Variants in TMEM273 observed in about 807,000 individuals in gnomAD.
The protein encoded by TMEM273 is chromosome 10 open reading frame 128.
A neutral mutation model predicts 17.9 loss-of-function variants in TMEM273; 19 were observed. The observed-to-expected ratio is 1.06, with a 90% confidence interval of 0.74 to 1.55. The LOEUF (loss-of-function observed/expected upper bound fraction) is 1.55. Ranked by LOEUF, TMEM273 falls within the 40% of genes most tolerant of loss-of-function variation. The pLI is 0.00. For missense variants in TMEM273, 194 were observed against 155.6 expected, an observed-to-expected ratio of 1.25 and a Z score of -1.31; for synonymous variants, 66 against 62.0, an observed-to-expected ratio of 1.07 and a Z score of -0.31.
At chr10:49,170,626 C>T (rs754918350) in intron 1 of TMEM273, among the ~76,000 whole-genome samples, 5 of 152,198 alleles carry the variant, frequency 3.3e-5, no homozygotes, top group African/African-American at 4.8e-5. Flanking sequence ...GGGAGACCAA[C>T]GTGGGCAGAT....
rs371882995 is a variant in TMEM273 at position 49,172,912 on chromosome 10, A to G, written c.44-4950T>C. ...CTCCCACAGGGCTGGCTCCTGGGGA[A>G]TGTGTGAACCCTGCCTGACCAATTA... is the stretch of plus-strand genomic sequence containing the variant. On this transcript the variant is annotated intron_variant, in intron 1 of 6. Coordinates refer to ENST00000374153, the MANE Select transcript of TMEM273 (RefSeq NM_001288740.3). Among the ~76,000 whole-genome samples, 64 of 152,304 alleles carry G rather than the reference A, an allele frequency of 4.2e-4. 1 individual carries two copies. The East Asian group carries it at 9.9e-3, about 23-fold the overall frequency.
At chr10:49,184,997 C>A (rs1445882113) in intron 1 of TMEM273, among the ~76,000 whole-genome samples, 3 of 152,158 alleles carry the variant, frequency 2.0e-5, no homozygotes, top group Non-Finnish European at 4.4e-5. Context: ...CGGATTCCTG[C>A]AGTTTTTAAC....
chr10:49,162,278 T>C (rs1211123549), intron 5 of TMEM273, among the ~76,000 whole-genome samples: 2 of 152,180 alleles, frequency 1.3e-5, no homozygotes. Flanking sequence ...GAGTCCATCA[T>C]GAATGGCCAC....
intron 6 of TMEM273, chr10:49,160,577 T>A (rs774160427): frequency 6.6e-6 from 1 of 152,126 alleles, no homozygotes; most frequent in African/African-American, 2.4e-5. Context: ...AATAGAGCAA[T>A]AAAAGATACT....
Position 49,167,920 on chromosome 10 carries a change from C to G in TMEM273, c.86G>C (p.Gly29Ala), listed in dbSNP as rs752103151. ...AQVLATGKTP[G>A]AEIDFKYALI... ...GGGCAGCCACGTACCAATTTCAGCC[C>G]CAGGGGTCTTGCCTGTTGCCAGCAC... Residue 29 changes from glycine to alanine, a missense_variant, in exon 2 of 7, where the codon GGG becomes GCG. Transcript: ENST00000374153. 4.3e-6 allele frequency: 7 copies of G among 1,614,040 alleles called. No individual in the cohort carries two copies. Among genetic ancestry groups the G allele is most frequent in the Non-Finnish European group, 5.1e-6 (6 of 1,179,984 alleles).
chr10:49,168,054 T>C (rs1320893874), intron 1 of TMEM273, 92 bp from the exon 2 acceptor site: 6 of 1,508,048 alleles, frequency 4.0e-6, no homozygotes, highest in East Asian at 2.3e-5. Flanking sequence ...GCCTACCCCA[T>C]GTACCCACCA....
intron 1 of TMEM273, among the ~76,000 whole-genome samples, chr10:49,174,399 G>A (rs533789988): frequency 1.3e-5 from 2 of 152,328 alleles, no homozygotes; most frequent in South Asian, 2.1e-4. Flanking sequence ...TAGGTCATGG[G>A]CCTTGGCTAC....
At chr10:49,182,636 A>G (rs2132282295) in intron 1 of TMEM273, among the ~76,000 whole-genome samples, 1 of 152,358 alleles carries the variant, frequency 6.6e-6, no homozygotes, top group Non-Finnish European at 1.5e-5. Context: ...AGCTTTTTTA[A>G]AAGGAAGATG....
chr10:49,177,272 T>C (rs1417527234), intron 1 of TMEM273, among the ~76,000 whole-genome samples: 2 of 152,178 alleles, frequency 1.3e-5, no homozygotes, highest in African/African-American at 4.8e-5. Flanking sequence ...AATCTGGTCT[T>C]TTGGAAATTG....
At chr10:49,174,137 C>T (rs1387340424) in intron 1 of TMEM273, among the ~76,000 whole-genome samples, 2 of 152,204 alleles carry the variant, frequency 1.3e-5, no homozygotes, top group Non-Finnish European at 2.9e-5. Flanking sequence ...CCTTTCTGCC[C>T]ATTTATCCTG....
intron 1 of TMEM273, among the ~76,000 whole-genome samples, chr10:49,183,358 T>C (rs1847469059): frequency 6.6e-6 from 1 of 151,428 alleles, no homozygotes; most frequent in Admixed American, 6.6e-5. Flanking sequence ...ACAAATTGTG[T>C]GTGTGTGTGT....
intron 1 of TMEM273, among the ~76,000 whole-genome samples, chr10:49,184,568 A>C (rs772327910): frequency 6.6e-6 from 1 of 152,232 alleles, no homozygotes; most frequent in Non-Finnish European, 1.5e-5. Flanking sequence ...GAACACACAA[A>C]CTAAAATAAA....
At chr10:49,172,219 C>T (rs890269362) in intron 1 of TMEM273, among the ~76,000 whole-genome samples, 3 of 152,122 alleles carry the variant, frequency 2.0e-5, no homozygotes, top group Non-Finnish European at 4.4e-5. Context: ...AAATAAAGAG[C>T]CTATAGGGTG....
intron 1 of TMEM273, among the ~76,000 whole-genome samples, chr10:49,180,334 A>T (rs571922699): frequency 4.6e-5 from 7 of 152,174 alleles, no homozygotes; most frequent in Non-Finnish European, 7.4e-5. Flanking sequence ...CACTTCTGGC[A>T]ATAATTGACT....
At chr10:49,172,910 G>C (rs553415664) in intron 1 of TMEM273, among the ~76,000 whole-genome samples, 12 of 152,214 alleles carry the variant, frequency 7.9e-5, no homozygotes, top group Non-Finnish European at 1.6e-4. Context: ...GGCTCCTGGG[G>C]AATGTGTGAA....
At chr10:49,163,550 A>G (rs1344876938) in intron 5 of TMEM273, among the ~76,000 whole-genome samples, 3 of 152,282 alleles carry the variant, frequency 2.0e-5, no homozygotes, top group East Asian at 3.9e-4. Context: ...CCAGGCTCAC[A>G]CCTATCATCC....
chr10:49,166,437 G>C (rs1255540856), intron 3 of TMEM273: 3 of 255,210 alleles, frequency 1.2e-5, no homozygotes, highest in African/African-American at 6.8e-5. Flanking sequence ...CCCACACTTA[G>C]GACCAACCTC....
intron 5 of TMEM273, among the ~76,000 whole-genome samples, chr10:49,164,193 G>A (rs890332071): frequency 6.6e-6 from 1 of 152,086 alleles, no homozygotes; most frequent in Non-Finnish European, 1.5e-5. Flanking sequence ...CCAGCTCACT[G>A]CCCAAAGCTG....
At chr10:49,156,213 C>G (rs923041668) in intron 6 of TMEM273, 2 of 1,415,418 alleles carry the variant, frequency 1.4e-6, no homozygotes, top group South Asian at 1.2e-5. Flanking sequence ...TTTTGGGAAA[C>G]TTTTCACTTT....
Sources: allele counts gnomAD v4.1 joint callset (sites outside exome capture counted in the v4.1 genomes callset), GRCh38; gene constraint gnomAD v4.1.1; transcripts MANE v1.5; gene names NCBI Gene and HGNC (gene_info 2026-07-23, HGNC 2026-07-21).